Variants in PACRG observed in about 807,000 individuals in gnomAD.
PACRG encodes the protein parkin coregulated gene protein.
A neutral mutation model predicts 29.7 loss-of-function variants in PACRG; 29 were observed. The observed-to-expected ratio is 0.98, with a 90% CI of 0.73 to 1.33. The LOEUF is 1.33. Ranked by LOEUF, PACRG falls within the 40% of genes most tolerant of loss-of-function variation. The pLI is 0.00. For missense variants in PACRG, 279 were observed against 316.2 expected (o/e 0.88, Z 0.89); for synonymous variants, 116 against 118.7 (o/e 0.98, Z 0.15).
intron 1 of PACRG, among the ~76,000 whole-genome samples, chr6:162,729,474 C>T (rs999377046): frequency 1.3e-5 from 2 of 152,084 alleles, no homozygotes; most frequent in African/African-American, 2.4e-5. Flanking sequence ...CTATGCAAAA[C>T]GATATCCTAA....
At chr6:162,821,864 T>C (rs2128376850) in intron 2 of PACRG, among the ~76,000 whole-genome samples, 1 of 152,318 alleles carries the variant, frequency 6.6e-6, no homozygotes, top group East Asian at 1.9e-4. Flanking sequence ...AGATCAAAAG[T>C]CCTTTGACAG....
intron 1 of PACRG, among the ~76,000 whole-genome samples, chr6:162,792,931 G>A (rs892080744): frequency 6.6e-6 from 1 of 152,174 alleles, no homozygotes; most frequent in African/African-American, 2.4e-5. Context: ...GGACTAAAGG[G>A]CATGGTGAGT....
chr6:162,949,017 A>G (rs1799451440), intron 2 of PACRG, among the ~76,000 whole-genome samples: 1 of 152,172 alleles, frequency 6.6e-6, no homozygotes, highest in Non-Finnish European at 1.5e-5. Context: ...TATCCAAAAA[A>G]AAGGAAATCA....
At chr6:163,176,389 G>A (rs952682023) in intron 4 of PACRG, among the ~76,000 whole-genome samples, 6 of 152,282 alleles carry the variant, frequency 3.9e-5, no homozygotes, top group African/African-American at 1.4e-4. Context: ...GAGAACAAAG[G>A]AAGAAACAAC....
chr6:163,276,805 A>G (rs962587011), intron 4 of PACRG, among the ~76,000 whole-genome samples: 4 of 152,150 alleles, frequency 2.6e-5, no homozygotes, highest in African/African-American at 7.2e-5. Context: ...TCACCAGACA[A>G]TGACTCTGCT....
intron 4 of PACRG, among the ~76,000 whole-genome samples, chr6:163,099,659 C>T (rs779022758): frequency 6.6e-6 from 1 of 152,170 alleles, no homozygotes; most frequent in African/African-American, 2.4e-5. Context: ...TTAAAGGTCT[C>T]TTTGTGGACA....
chr6:163,052,521 C>T (rs1452159826), intron 2 of PACRG, among the ~76,000 whole-genome samples: 3 of 152,140 alleles, frequency 2.0e-5, no homozygotes, highest in South Asian at 4.1e-4. Flanking sequence ...CTCCACATGT[C>T]GAGGGAGGAA....
chr6:163,313,883 T>C (rs758523074), intron 4 of PACRG: 1 of 152,218 alleles, frequency 6.6e-6, no homozygotes, highest in Non-Finnish European at 1.5e-5. Context: ...GGAATGACTA[T>C]CGTTAGAGAA....
intron 2 of PACRG, among the ~76,000 whole-genome samples, chr6:162,829,292 G>A (rs1788541685): frequency 6.6e-6 from 1 of 152,214 alleles, no homozygotes; most frequent in African/African-American, 2.4e-5. Flanking sequence ...ACATTCAGAT[G>A]GAGTCACAGC....
intron 2 of PACRG, among the ~76,000 whole-genome samples, chr6:163,045,515 G>A (rs1809248159): frequency 6.6e-6 from 1 of 151,640 alleles, no homozygotes; most frequent in African/African-American, 2.4e-5. Flanking sequence ...TAGTAGAGAT[G>A]GGTTTCACCA....
At chr6:163,034,436 G>A (rs2093716) in intron 2 of PACRG, among the ~76,000 whole-genome samples, 84,096 of 151,884 alleles carry the variant, frequency 0.55, 25,730 homozygotes, top group East Asian at 0.96. Flanking sequence ...CTAAACCCCT[G>A]AATCTTAGAA....
intron 4 of PACRG, among the ~76,000 whole-genome samples, chr6:163,206,959 T>C (rs1423511442): frequency 6.6e-6 from 1 of 152,236 alleles, no homozygotes; most frequent in Non-Finnish European, 1.5e-5. Context: ...TTTTTTTCTT[T>C]TACCGCTGTT....
chr6:163,129,846 G>A (rs1051213606), intron 4 of PACRG, among the ~76,000 whole-genome samples: 9 of 152,140 alleles, frequency 5.9e-5, no homozygotes, highest in Non-Finnish European at 1.2e-4. Context: ...GATTAAATGG[G>A]TTTATATTTA....
At chr6:163,230,205 C>T (rs1363466668) in intron 4 of PACRG, among the ~76,000 whole-genome samples, 3 of 152,218 alleles carry the variant, frequency 2.0e-5, no homozygotes, top group Non-Finnish European at 4.4e-5. Flanking sequence ...TACTACACAG[C>T]ACTCCTTTAA....
chr6:163,127,308 GAC>G (rs1816556926), intron 4 of PACRG, among the ~76,000 whole-genome samples: 1 of 152,216 alleles, frequency 6.6e-6, no homozygotes. Context: ...AAGTTTAAAG[GAC>G]AAATTGCCTC....
intron 4 of PACRG, chr6:163,165,368 A>C (rs1421070864): frequency 1.3e-5 from 2 of 151,972 alleles, no homozygotes; most frequent in African/African-American, 2.4e-5. Flanking sequence ...GCAGAACGGA[A>C]AGGGCCCTGG....
chr6:162,980,547 T>A (rs1371641565), intron 2 of PACRG, among the ~76,000 whole-genome samples: 1 of 152,142 alleles, frequency 6.6e-6, no homozygotes, highest in African/African-American at 2.4e-5. Context: ...GCTTTTTTGC[T>A]TAGAATTTCC....
chr6:163,157,174 T>G (rs145268620), intron 4 of PACRG, among the ~76,000 whole-genome samples: 97 of 152,300 alleles, frequency 6.4e-4, no homozygotes, highest in African/African-American at 2.3e-3. Flanking sequence ...AACTTCCTAT[T>G]TGGGCATAAT....
chr6:162,799,630 C>T (rs1198500512), intron 1 of PACRG, among the ~76,000 whole-genome samples: 3 of 148,486 alleles, frequency 2.0e-5, no homozygotes, highest in Admixed American at 6.7e-5. Context: ...AAGTGGGACC[C>T]TTTTTTTTTT....
Sources: allele counts gnomAD v4.1 joint callset (sites outside exome capture counted in the v4.1 genomes callset), GRCh38; gene constraint gnomAD v4.1.1; transcripts MANE v1.5; gene names NCBI Gene and HGNC (gene_info 2026-07-23, HGNC 2026-07-21).